SHOC1: variants seen among roughly 807,000 people sequenced by gnomAD.
The protein encoded by SHOC1 is shortage in chiasmata 1.
Under a neutral mutation model 179.2 loss-of-function variants are expected in SHOC1, and 136 were observed. The observed-to-expected ratio is 0.76, with a 90% CI of 0.66 to 0.87. SHOC1 has a LOEUF of 0.87. SHOC1 is among the 40% of genes least tolerant of loss of function. The pLI, the probability that SHOC1 is intolerant of heterozygous loss-of-function variation, is 0.00. For synonymous variants in SHOC1, 489 were observed against 586.6 expected (o/e 0.83, Z 2.41); for missense variants, 1,538 against 1,700.8 (o/e 0.90, Z 1.68).
At chr9:111,769,975 G>GTTTTTTTTTTGTTTTTTTTTTTTTT (rs1835512264) in intron 5 of SHOC1, among the ~76,000 whole-genome samples, 1 of 87,806 alleles carries the variant, frequency 1.1e-5, no homozygotes, top group African/African-American at 5.3e-5. Flanking sequence ...TTTATCTTCT[G>GTTTTTTTTTTGTTTTTTTTTTTTTT]TTTTTTTTTT....
At chr9:111,784,673 T>C (rs396840) in intron 3 of SHOC1, among the ~76,000 whole-genome samples, 11,551 of 152,228 alleles carry the variant, frequency 0.076, 630 homozygotes, top group South Asian at 0.21. Context: ...AACAAAAATA[T>C]CATAGACTCG....
chr9:111,762,998 T>C (rs894332337), intron 5 of SHOC1, among the ~76,000 whole-genome samples: 1 of 152,022 alleles, frequency 6.6e-6, no homozygotes, highest in African/African-American at 2.4e-5. Context: ...GATAACACTA[T>C]AAAAATCAAC....
At chr9:111,786,406 G>A (rs1158354415) in intron 2 of SHOC1, among the ~76,000 whole-genome samples, 2 of 151,658 alleles carry the variant, frequency 1.3e-5, no homozygotes, top group African/African-American at 4.8e-5. Flanking sequence ...CTGCACTCCA[G>A]CCTGGGCGAC....
At chr9:111,722,633 G>A in intron 14 of SHOC1, 48 bp from the exon 15 acceptor site, 1 of 1,487,682 alleles carries the variant, frequency 6.7e-7, no homozygotes, top group Admixed American at 2.4e-5. Context: ...AAGATGGTAT[G>A]CTCTTTTTGA....
intron 2 of SHOC1, among the ~76,000 whole-genome samples, chr9:111,786,413 C>T (rs868689451): frequency 3.2e-4 from 49 of 151,170 alleles, no homozygotes; most frequent in African/African-American, 1.1e-3. Context: ...CCAGCCTGGG[C>T]GACAAAGTGA....
At chr9:111,764,212 G>A (rs1564157229) in intron 5 of SHOC1, among the ~76,000 whole-genome samples, 1 of 152,162 alleles carries the variant, frequency 6.6e-6, no homozygotes, top group Non-Finnish European at 1.5e-5. Flanking sequence ...TTATCAGAAC[G>A]ATTGTCCCTG....
rs577418989 is a variant in SHOC1 at position 111,699,921 on chromosome 9, A to G, written c.3183+33T>C. The stretch of plus-strand genomic sequence containing the variant: ...TGAGTATAATTTTGGTTTATAAAAA[A>G]TACTTATGAAGAAACACATAGGAAA... On this transcript the variant is annotated intron_variant, in intron 24 of 27. Coordinates refer to ENST00000682961, the MANE Select transcript of SHOC1 (RefSeq NM_001378211.1). The G allele has an allele frequency of 2.7e-6, 4 of 1,457,090 alleles. No homozygotes were observed. In the African/African-American group the frequency reaches 4.2e-5, roughly 15 times the overall value. The allele number at this position is 1,457,090 out of a possible 1,614,324, so 90.3% of individuals were successfully genotyped here.
At chr9:111,793,910 G>A (rs1836533525) in intron 1 of SHOC1, among the ~76,000 whole-genome samples, 1 of 152,014 alleles carries the variant, frequency 6.6e-6, no homozygotes, top group Admixed American at 6.6e-5. Flanking sequence ...GGAGTGCAAT[G>A]GTGCGATCTT....
chr9:111,737,924 A>C (rs1833880048), intron 12 of SHOC1: 1 of 264,472 alleles, frequency 3.8e-6, no homozygotes, highest in South Asian at 1.3e-4. Context: ...GTCAAAAAAC[A>C]GTTACTGCAA....
chr9:111,783,322 A>T (rs1006613707), intron 3 of SHOC1: 1 of 152,168 alleles, frequency 6.6e-6, no homozygotes, highest in African/African-American at 2.4e-5. Flanking sequence ...CTCCAATTAT[A>T]TTCCAATCAT....
chr9:111,728,134 G>A lies in SHOC1; in HGVS notation c.1418-85C>T, dbSNP rs576033700. 3.3e-5 allele frequency: 32 copies of A among 965,996 alleles called. No homozygotes were observed. In the African/African-American group the frequency reaches 4.9e-4, roughly 15 times the overall value. The allele number at this position is 965,996 out of a possible 1,614,324, so 59.8% of individuals were successfully genotyped here. ...GGTATTTGAATAACTTTTAGTTGTG[G>A]TTTCTTATTAATGTAATTTGATCTT... is the stretch of plus-strand genomic sequence containing the variant. On this transcript the variant is annotated intron_variant, in intron 12 of 27. Transcript: ENST00000682961.
chr9:111,690,212 C>T lies in SHOC1; in HGVS notation c.4426+1339G>A, dbSNP rs902018240. ...GCCAAGGCGGGTAGATTACTTGAGC[C>T]GAGGAGTTCGAGATCAGCCTGGACA... On this transcript the variant is annotated intron_variant, in intron 27 of 27. Coordinates refer to ENST00000682961, the MANE Select transcript of SHOC1 (RefSeq NM_001378211.1). 3.9e-5 allele frequency among the ~76,000 whole-genome samples: 6 copies of T among 152,124 alleles called. No individual in the cohort carries two copies. In the East Asian group the frequency reaches 5.8e-4, roughly 15 times the overall value.
At chr9:111,772,865 G>A (rs1835676271) in intron 5 of SHOC1, among the ~76,000 whole-genome samples, 1 of 152,132 alleles carries the variant, frequency 6.6e-6, no homozygotes, top group East Asian at 1.9e-4. Flanking sequence ...CAGTCATGAT[G>A]CTTTCCACAG....
chr9:111,711,369 G>A (rs996952958), intron 18 of SHOC1, among the ~76,000 whole-genome samples: 3 of 152,098 alleles, frequency 2.0e-5, no homozygotes, highest in Admixed American at 6.6e-5. Flanking sequence ...CTGGGAAGAC[G>A]GGATGAGGCC....
rs1168509161 is a variant in SHOC1, at chr9:111,706,736, A to G, written c.2569T>C (p.Cys857Arg). 2 of 1,588,892 alleles carry G rather than the reference A, an allele frequency of 1.3e-6. No homozygotes were observed. The highest frequency in any genetic ancestry group is 2.3e-5 in the South Asian group (2 of 86,286). Residue 857 changes from cysteine to arginine, a missense_variant, in exon 20 of 28, where the codon TGT becomes CGT. By Grantham distance (180) the Cys-to-Arg change is radical. Transcript: ENST00000682961. The part of the protein sequence containing the change: ...SEGVLRGTSS[C>R]VVVHNQYIGA... ...ATATATTGATTATGTACAACTACAC[A>G]GGAACTTGTACTAAAGACAAAAGAG...
chr9:111,746,398 G>T, intron 9 of SHOC1, 56 bp from the exon 10 acceptor site: 1 of 1,131,080 alleles, frequency 8.8e-7, no homozygotes, highest in Non-Finnish European at 1.3e-6. Context: ...AAGTAGGCTA[G>T]GCGTGGTGGC....
intron 19 of SHOC1, 55 bp from the exon 20 acceptor site, chr9:111,706,801 T>C: frequency 8.1e-7 from 1 of 1,227,812 alleles, no homozygotes. Flanking sequence ...ATTATTTTGT[T>C]GAACTATTAA....
At chr9:111,772,299 C>A (rs1835645388) in intron 5 of SHOC1, among the ~76,000 whole-genome samples, 1 of 152,044 alleles carries the variant, frequency 6.6e-6, no homozygotes, top group Non-Finnish European at 1.5e-5. Context: ...TAAATTTCTC[C>A]AGCAATTTTC....
intron 12 of SHOC1, 73 bp downstream of exon 12, chr9:111,738,207 A>G (rs72752103): frequency 3.2e-4 from 433 of 1,364,388 alleles, no homozygotes; most frequent in Non-Finnish European, 4.2e-4. Context: ...AATTACCTAG[A>G]GGAAATCCAG....
Sources: allele counts gnomAD v4.1 joint callset (sites outside exome capture counted in the v4.1 genomes callset), GRCh38; gene constraint gnomAD v4.1.1; transcripts MANE v1.5; gene names NCBI Gene and HGNC (gene_info 2026-07-23, HGNC 2026-07-21).